VWC2: variants seen among roughly 807,000 people sequenced by gnomAD.
The protein encoded by VWC2 is brorin.
In VWC2, 14 loss-of-function variants were observed where a neutral mutation model predicts 29.8. The ratio of observed to expected loss-of-function variants is 0.47; its 90% CI spans 0.31 to 0.74. The LOEUF is 0.74. Ranked by LOEUF, VWC2 falls within the 30% of genes least tolerant of loss-of-function variation. The pLI is 0.05. For synonymous variants in VWC2, 213 were observed against 199.0 expected, an observed-to-expected ratio of 1.07 and a Z score of -0.59; for missense variants, 457 against 459.8, an observed-to-expected ratio of 0.99 and a Z score of 0.05.
chr7:49,909,880 G>A (rs956450013), intron 3 of VWC2, among the ~76,000 whole-genome samples: 4 of 152,120 alleles, frequency 2.6e-5, no homozygotes, highest in African/African-American at 9.7e-5. Context: ...AAGGCGGGAG[G>A]ATCTCTTGAG....
intron 3 of VWC2, among the ~76,000 whole-genome samples, chr7:49,829,159 A>C (rs1789469208): frequency 6.6e-6 from 1 of 152,184 alleles, no homozygotes; most frequent in South Asian, 2.1e-4. Flanking sequence ...ATTGTACCTC[A>C]ACTTTCTGTT....
At chr7:49,838,664 G>A (rs1311774539) in intron 3 of VWC2, among the ~76,000 whole-genome samples, 1 of 151,940 alleles carries the variant, frequency 6.6e-6, no homozygotes, top group Non-Finnish European at 1.5e-5. Flanking sequence ...TTGAGGGAAG[G>A]ATTAACCAAC....
intron 2 of VWC2, among the ~76,000 whole-genome samples, chr7:49,779,126 A>C (rs530767304): frequency 6.6e-6 from 1 of 152,152 alleles, no homozygotes; most frequent in Non-Finnish European, 1.5e-5. Context: ...TGAGCAGTAG[A>C]TTAACTCCAG....
At chr7:49,829,793 A>G (rs966823650) in intron 3 of VWC2, among the ~76,000 whole-genome samples, 1 of 152,234 alleles carries the variant, frequency 6.6e-6, no homozygotes, top group African/African-American at 2.4e-5. Flanking sequence ...GAGTAAATAC[A>G]TTAAACAAAC....
intron 3 of VWC2, among the ~76,000 whole-genome samples, chr7:49,869,975 AGAAACTT>A (rs1791072442): frequency 6.6e-6 from 1 of 152,234 alleles, no homozygotes; most frequent in African/African-American, 2.4e-5. Flanking sequence ...GCTGAATAAA[AGAAACTT>A]GGAACAAAAT....
chr7:49,773,973 G>C lies in VWC2; in HGVS notation c.-244G>C, dbSNP rs1451652964. 1 of 151,990 alleles carries C rather than the reference G, an allele frequency of 6.6e-6. No homozygotes were observed. The highest frequency in any genetic ancestry group is 2.4e-5 in the African/African-American group (1 of 41,420). 9.4% of individuals were successfully genotyped at this position (151,990 alleles called of 1,614,324 possible). On this transcript the variant is annotated 5_prime_UTR_variant, in exon 1 of 4. Transcript: ENST00000340652. ...TGTGCGCGCCAGGCGGAGCGCGCAG[G>C]TGGGGCTGGGCTGTTAGTGGTCCGC...
intron 2 of VWC2, among the ~76,000 whole-genome samples, chr7:49,795,953 G>A (rs1035977222): frequency 2.0e-5 from 3 of 152,112 alleles, no homozygotes; most frequent in Non-Finnish European, 2.9e-5. Flanking sequence ...GGGGTCCAGA[G>A]ACTTAAAGAA....
chr7:49,775,949 G>A lies in VWC2; in HGVS notation c.514G>A (p.Gly172Ser). 6.4e-7 allele frequency: 1 copy of A among 1,552,288 alleles called. No individual in the cohort carries two copies. Residue 172 changes from glycine (G) to serine (S), a missense_variant, in exon 2 of 4, where the codon GGC (glycine) becomes AGC (serine). By Grantham distance (56) the Gly-to-Ser change is moderately conservative. Transcript: ENST00000340652. ...VYAIGEKFAP[G>S]PSACPCLCTE... ...CGCGATCGGGGAGAAGTTCGCGCCG[G>A]GCCCCTCGGCCTGCCCGTGCCTGTG...
chr7:49,779,029 T>C (rs1278413378), intron 2 of VWC2, among the ~76,000 whole-genome samples: 2 of 143,416 alleles, frequency 1.4e-5, no homozygotes, highest in Non-Finnish European at 3.0e-5. Context: ...GTTCTCTGCT[T>C]CCAGAGAGGG....
chr7:49,839,147 G>A (rs1789736618), intron 3 of VWC2, among the ~76,000 whole-genome samples: 1 of 152,132 alleles, frequency 6.6e-6, no homozygotes, highest in Admixed American at 6.5e-5. Flanking sequence ...GCCCGCACCA[G>A]ACAAGAACCC....
chr7:49,778,936 T>C (rs555176612), intron 2 of VWC2, among the ~76,000 whole-genome samples: 1 of 152,328 alleles, frequency 6.6e-6, no homozygotes, highest in South Asian at 2.1e-4. Flanking sequence ...CCTGGAACAC[T>C]GTTTACTTTA....
At chr7:49,833,174 G>A (rs145116007) in intron 3 of VWC2, among the ~76,000 whole-genome samples, 2 of 152,352 alleles carry the variant, frequency 1.3e-5, no homozygotes, top group African/African-American at 4.8e-5. Flanking sequence ...AAATGAATGG[G>A]ATTGATGTTT....
In VWC2 at chr7:49,883,820, A is replaced by G. The variant is rs568417833; in HGVS notation, c.827-28214A>G. Among the ~76,000 whole-genome samples, 14 of 152,354 alleles carry G rather than the reference A, an allele frequency of 9.2e-5. No homozygotes were observed. In the South Asian group the frequency reaches 2.7e-3, roughly 29 times the overall value. The stretch of plus-strand genomic sequence containing the variant: ...CAGTTAAAATCAATGAACAGAGCCT[A>G]ATTCATAGACATACCCTAGTGAATG... On this transcript the variant is annotated intron_variant, in intron 3 of 3. Transcript: ENST00000340652.
chr7:49,775,738 CG>C lies in VWC2; in HGVS notation c.308del (p.Gly103AlafsTer183). 1.3e-6 allele frequency: 2 copies of C among 1,512,140 alleles called. No homozygotes were observed. Among genetic ancestry groups the C allele is most frequent in the Non-Finnish European group, 8.8e-7 (1 of 1,133,418 alleles). The allele number at this position is 1,512,140 out of a possible 1,614,324, so 93.7% of individuals were successfully genotyped here. ...KLKQAWVSQG[G>X]GAKAGDLQVR... ...TGAAGCAGGCCTGGGTCTCCCAGGG[CG>C]GGGGCGCCAAGGCCGGGGATCTGCA... On this transcript the variant is annotated frameshift_variant, in exon 2 of 4. Transcript: ENST00000340652. LOFTEE classifies it high-confidence loss of function.
At chr7:49,864,374 C>A (rs1790793992) in intron 3 of VWC2, among the ~76,000 whole-genome samples, 1 of 152,176 alleles carries the variant, frequency 6.6e-6, no homozygotes, top group Non-Finnish European at 1.5e-5. Flanking sequence ...TCAGAATCCA[C>A]CTGGGATGAA....
At chr7:49,873,666 A>G (rs965777777) in intron 3 of VWC2, among the ~76,000 whole-genome samples, 9 of 152,230 alleles carry the variant, frequency 5.9e-5, no homozygotes, top group Non-Finnish European at 1.3e-4. Context: ...TGCAGTAATC[A>G]TGAATTTTTG....
In VWC2 at chr7:49,875,387, A is replaced by AAAAAAAAAAC. The variant is rs1562746119; in HGVS notation, c.827-36638_827-36637insCAAAAAAAAA. 1.7e-4 allele frequency among the ~76,000 whole-genome samples: 26 copies of AAAAAAAAAAC among 149,836 alleles called. 1 individual carries two copies. Among genetic ancestry groups the AAAAAAAAAAC allele is most frequent in the Admixed American group, 4.7e-4 (7 of 14,970 alleles). On this transcript the variant is annotated intron_variant, in intron 3 of 3. Transcript: ENST00000340652. ...TCTGACTCAAAAAAAAAAAAAAAAA[A>AAAAAAAAAAC]AAAAAAAAAACAGGAATAAATGTCA...
intron 3 of VWC2, among the ~76,000 whole-genome samples, chr7:49,841,046 T>C (rs2128713500): frequency 6.6e-6 from 1 of 152,332 alleles, no homozygotes; most frequent in Non-Finnish European, 1.5e-5. Flanking sequence ...AATTGAAATA[T>C]TTGGTCTTAT....
In VWC2 at chr7:49,912,308, G is replaced by A; in HGVS notation, c.*123G>A. The stretch of plus-strand genomic sequence containing the variant: ...GATGAGGAATAATGGAAAATTGTTG[G>A]TACTTTTCCTTTTCTTGATAACAGT... On this transcript the variant is annotated 3_prime_UTR_variant, in exon 4 of 4. Transcript: ENST00000340652. 3 of 1,037,082 alleles carry A rather than the reference G, an allele frequency of 2.9e-6. No individual in the cohort carries two copies. The highest frequency in any genetic ancestry group is 2.7e-6 in the Non-Finnish European group (2 of 740,270). 64.2% of individuals were successfully genotyped at this position (1,037,082 alleles called of 1,614,324 possible). A position where few individuals can be genotyped will look rare whatever the true frequency, so the allele number is the denominator to read the frequency against.
Sources: gnomAD v4.1 joint callset for allele counts (sites outside exome capture counted in the v4.1 genomes callset) on GRCh38, gnomAD v4.1.1 for gene constraint, MANE v1.5 for transcripts, NCBI Gene and HGNC (gene_info 2026-07-23, HGNC 2026-07-21) for gene names.